ORC1: variants seen among roughly 807,000 people sequenced by gnomAD.
ORC1 encodes origin recognition complex subunit 1.
ORC1 carries 61 observed loss-of-function variants against 98.9 expected under a neutral mutation model. The ratio of observed to expected loss-of-function variants is 0.62; its 90% CI spans 0.50 to 0.76. The LOEUF is 0.76. ORC1 is among the 30% of genes least tolerant of loss of function. The probability of loss-of-function intolerance (pLI) is 0.00; values close to 1 mark genes in which losing one functional copy is unlikely to be tolerated. For missense variants in ORC1, 979 were observed against 1,072.2 expected (o/e 0.91, Z 1.21); for synonymous variants, 385 against 406.9 (o/e 0.95, Z 0.65).
Position 52,393,491 on chromosome 1 carries a change from G to T in ORC1, c.1034C>A (p.Ser345Tyr). The change falls in exon 6 of 17, where the codon TCT (serine) becomes TAT (tyrosine). Residue 345 changes from serine to tyrosine, a missense_variant. Coordinates refer to ENST00000371568, the MANE Select transcript of ORC1 (RefSeq NM_004153.4). ...CAGAATCACGGATGGCACCACTGAA[G>T]ATCTCTGTCCCCCACTGATAGGGGT... ...TLTPISGGQR[S>Y]SVVPSVILKP... 6.2e-7 allele frequency: 1 copy of T among 1,614,180 alleles called. No individual in the cohort carries two copies. The highest frequency in any genetic ancestry group is 1.1e-5 in the South Asian group (1 of 91,084).
intron 14 of ORC1, 40 bp from the exon 15 acceptor site, chr1:52,375,639 C>A (rs765943056): frequency 3.1e-6 from 5 of 1,598,228 alleles, no homozygotes; most frequent in Non-Finnish European, 4.3e-6. Flanking sequence ...CCACCTTAGC[C>A]CAGAAGAACC....
rs372781874 is a variant in ORC1 at position 52,388,460 on chromosome 1, C to T, written c.1365G>A (p.Thr455=). The T allele has an allele frequency of 2.7e-4, 434 of 1,613,922 alleles. No homozygotes were observed. The highest frequency in any genetic ancestry group is 3.5e-4 in the Non-Finnish European group (410 of 1,179,948). ...SSLKSSLHTL[T]KVPKKSLKPR... ...ACCTTACACTCTTCTTTGGCACCTT[C>T]GTGAGGGTATGTAAGGATGACTTCA... The change falls in exon 8 of 17, where the codon ACG becomes ACA. Residue 455 remains threonine (T), a synonymous_variant. Coordinates refer to ENST00000371568, the MANE Select transcript of ORC1 (RefSeq NM_004153.4).
rs367826461 is a variant in ORC1 at position 52,402,726 on chromosome 1, G to A, written c.-5-498C>T. On this transcript the variant is annotated intron_variant, in intron 1 of 16. Coordinates refer to ENST00000371568, the MANE Select transcript of ORC1 (RefSeq NM_004153.4). ...AGGTGGGTGGATCACCTGAGGTCAG[G>A]AGTTCGGGACCAGCCTGGCCAACAT... is the stretch of plus-strand genomic sequence containing the variant. 2.0e-5 allele frequency among the ~76,000 whole-genome samples: 3 copies of A among 152,272 alleles called. No individual in the cohort carries two copies. In the East Asian group the frequency reaches 5.8e-4, roughly 29 times the overall value.
upstream of ORC1, chr1:52,408,804 G>T: frequency 7.7e-7 from 1 of 1,299,104 alleles, no homozygotes; most frequent in Non-Finnish European, 1.1e-6. Context: ...CATCTACATT[G>T]TTACTGTCTC....
At chr1:52,380,312 G>A (rs1180901035) in intron 14 of ORC1, among the ~76,000 whole-genome samples, 1 of 152,238 alleles carries the variant, frequency 6.6e-6, no homozygotes, top group Non-Finnish European at 1.5e-5. Flanking sequence ...CAAGACAACT[G>A]TGGAAAGTCT....
At chr1:52,374,190 G>A (rs1176126199) in intron 16 of ORC1, among the ~76,000 whole-genome samples, 1 of 152,138 alleles carries the variant, frequency 6.6e-6, no homozygotes, top group Non-Finnish European at 1.5e-5. Flanking sequence ...GAACAGTAAT[G>A]GGCAAAACAT....
At chr1:52,392,705 T>G (rs543228998) in intron 6 of ORC1, among the ~76,000 whole-genome samples, 26 of 152,160 alleles carry the variant, frequency 1.7e-4, no homozygotes, top group Admixed American at 1.1e-3. Flanking sequence ...GTGGTACATA[T>G]TTACCATGGA....
At chr1:52,391,006 C>T (rs1647202287) in intron 6 of ORC1, among the ~76,000 whole-genome samples, 1 of 151,028 alleles carries the variant, frequency 6.6e-6, no homozygotes, top group South Asian at 2.1e-4. Flanking sequence ...AAACCTGAAA[C>T]CATAAAAAAT....
Position 52,400,732 on chromosome 1 carries a change from G to A in ORC1, c.223+630C>T, listed in dbSNP as rs143439693. Among the ~76,000 whole-genome samples, 7 of 152,284 alleles carry A rather than the reference G, an allele frequency of 4.6e-5. No individual in the cohort carries two copies. The East Asian group carries it at 1.3e-3, about 29-fold the overall frequency. On this transcript the variant is annotated intron_variant, in intron 3 of 16. Coordinates refer to ENST00000371568, the MANE Select transcript of ORC1 (RefSeq NM_004153.4). ...TTAGAAGGTCAGCAAATCAGCTAAG[G>A]CTTTCGATGTGGGCTTGTAGGCTCT... is the stretch of plus-strand genomic sequence containing the variant.
Position 52,402,269 on chromosome 1 carries a change from T to G in ORC1, c.-5-41A>C, listed in dbSNP as rs780874864. 7.0e-5 allele frequency: 101 copies of G among 1,437,248 alleles called. 1 individual carries two copies. In the Middle Eastern group the frequency reaches 1.4e-3, roughly 20 times the overall value. The allele number at this position is 1,437,248 out of a possible 1,614,324, so 89.0% of individuals were successfully genotyped here. ...AACTCTGAGTTACCATGATAAATATTTGGTATTTATCTGATGGATTCTAAG... is the reference window on the plus strand; with the variant it reads ...AACTCTGAGTTACCATGATAAATATGTGGTATTTATCTGATGGATTCTAAG... On this transcript the variant is annotated intron_variant, in intron 1 of 16. Coordinates refer to ENST00000371568, the MANE Select transcript of ORC1 (RefSeq NM_004153.4).
chr1:52,377,703 C>CAAAAAAAAAA (rs58266239), intron 14 of ORC1, among the ~76,000 whole-genome samples: 19 of 58,750 alleles, frequency 3.2e-4, no homozygotes, highest in Non-Finnish European at 4.3e-4. Context: ...CCCCTAGAAG[C>CAAAAAAAAAA]AAAAAAAAAA....
Position 52,393,691 on chromosome 1 carries a change from AGATCTCT to A in ORC1, c.827_833del (p.Lys276IlefsTer13). 6.2e-7 allele frequency: 1 copy of A among 1,614,020 alleles called. No homozygotes were observed. The highest frequency in any genetic ancestry group is 8.5e-7 in the Non-Finnish European group (1 of 1,179,988). Reference sequence around the variant, plus strand: ...ACAAGGTTTGAAGTTTATCAGGCTGAGATCTCTTAGAAGGTGAGGTGATCTCCGAGAA... The same window carrying A: ...ACAAGGTTTGAAGTTTATCAGGCTGATAGAAGGTGAGGTGATCTCCGAGAA... On this transcript the variant is annotated frameshift_variant, in exon 6 of 17. Transcript: ENST00000371568. LOFTEE classifies it high-confidence loss of function.
chr1:52,373,567 A>G (rs546724960), intron 16 of ORC1, among the ~76,000 whole-genome samples, 192 bp from the exon 17 acceptor site: 47 of 152,324 alleles, frequency 3.1e-4, no homozygotes, highest in Admixed American at 2.7e-3. Flanking sequence ...TGGAATCAGA[A>G]AACAGCAGGC....
upstream of ORC1, chr1:52,404,587 G>A (rs550577485): frequency 3.0e-4 from 193 of 634,078 alleles, 2 homozygotes; most frequent in Admixed American, 1.1e-3. Context: ...GCGACGCGGG[G>A]AGCGGAAGCC....
At chr1:52,388,694 C>T (rs1647175712) in intron 7 of ORC1, 57 bp from the exon 8 acceptor site, 2 of 1,451,830 alleles carry the variant, frequency 1.4e-6, no homozygotes. Flanking sequence ...ATAAGAAGAA[C>T]TCTATAACAT....
Position 52,373,100 on chromosome 1 carries a change from C to T in ORC1, c.*81G>A. On this transcript the variant is annotated 3_prime_UTR_variant, in exon 17 of 17. Coordinates refer to ENST00000371568, the MANE Select transcript of ORC1 (RefSeq NM_004153.4). Reference sequence around the variant, plus strand: ...TGAGCCATGATCGTGCCACTGCACTCCAGCCTGGGCGACAGAGCAAGACCC... The same window carrying T: ...TGAGCCATGATCGTGCCACTGCACTTCAGCCTGGGCGACAGAGCAAGACCC... The T allele has an allele frequency of 1.4e-6, 2 of 1,452,398 alleles. No homozygotes were observed. The highest frequency in any genetic ancestry group is 1.9e-6 in the Non-Finnish European group (2 of 1,035,878). 90.0% of individuals were successfully genotyped at this position (1,452,398 alleles called of 1,614,324 possible). A position where few individuals can be genotyped will look rare whatever the true frequency, so the allele number is the denominator to read the frequency against.
intron 6 of ORC1, among the ~76,000 whole-genome samples, chr1:52,390,901 G>GAA (rs112674214): frequency 7.2e-4 from 56 of 77,448 alleles, no homozygotes; most frequent in Admixed American, 6.3e-3. Flanking sequence ...TCCAAAAAAA[G>GAA]AAAAAAAAAA....
chr1:52,406,169 A>G (rs1432611666), upstream of ORC1, among the ~76,000 whole-genome samples: 2 of 151,652 alleles, frequency 1.3e-5, no homozygotes, highest in East Asian at 1.9e-4. Flanking sequence ...TTGTATTTTT[A>G]GTAGAGATGG....
At chr1:52,389,381 G>T in intron 6 of ORC1, 60 bp from the exon 7 acceptor site, 1 of 1,196,404 alleles carries the variant, frequency 8.4e-7, no homozygotes, top group Non-Finnish European at 1.2e-6. Context: ...TGTACAAAAG[G>T]CACTAGAAGA....
Sources: allele counts gnomAD v4.1 joint callset (sites outside exome capture counted in the v4.1 genomes callset), GRCh38; gene constraint gnomAD v4.1.1; transcripts MANE v1.5; gene names NCBI Gene and HGNC (gene_info 2026-07-23, HGNC 2026-07-21).